Variants in CDA observed in about 807,000 individuals in gnomAD.
CDA encodes the protein cytidine aminohydrolase.
A neutral mutation model predicts 15.0 loss-of-function variants in CDA; 7 were observed. The ratio of observed to expected loss-of-function variants is 0.47; its 90% CI spans 0.26 to 0.87. The LOEUF is 0.87. CDA is among the 40% of genes least tolerant of loss of function. The pLI, the probability that CDA is intolerant of heterozygous loss-of-function variation, is 0.15. For synonymous variants in CDA, 58 were observed against 73.0 expected (o/e 0.79, Z 1.05); for missense variants, 159 against 182.7 (o/e 0.87, Z 0.75).
chr1:20,602,727 G>T (rs560505417), intron 1 of CDA, among the ~76,000 whole-genome samples: 1 of 152,300 alleles, frequency 6.6e-6, no homozygotes, highest in East Asian at 1.9e-4. Context: ...GCCTCATCAT[G>T]TGTTTTTATA....
At chr1:20,595,453 G>A (rs1410513032) in intron 1 of CDA, among the ~76,000 whole-genome samples, 1 of 152,050 alleles carries the variant, frequency 6.6e-6, no homozygotes, top group Admixed American at 6.6e-5. Context: ...CTCTTCAGCA[G>A]CTGATGGACC....
chr1:20,604,037 GT>G (rs936146244), intron 1 of CDA, among the ~76,000 whole-genome samples: 1 of 130,852 alleles, frequency 7.6e-6, no homozygotes, highest in Admixed American at 8.1e-5. Flanking sequence ...AGCTCGAGGT[GT>G]TTTTTTTGTT....
At chr1:20,607,588 T>C (rs1176962376) in intron 2 of CDA, among the ~76,000 whole-genome samples, 1 of 152,234 alleles carries the variant, frequency 6.6e-6, no homozygotes, top group African/African-American at 2.4e-5. Context: ...ATTTAGAATT[T>C]TCCAAATGAG....
intron 1 of CDA, among the ~76,000 whole-genome samples, chr1:20,601,221 T>TA (rs2052640768): frequency 6.6e-6 from 1 of 152,148 alleles, no homozygotes; most frequent in Non-Finnish European, 1.5e-5. Flanking sequence ...GTCTCTTCCA[T>TA]AATGAATGGA....
intron 1 of CDA, among the ~76,000 whole-genome samples, chr1:20,599,436 G>A (rs1264209350): frequency 1.3e-5 from 2 of 151,632 alleles, no homozygotes; most frequent in Non-Finnish European, 2.9e-5. Flanking sequence ...GACCAATATG[G>A]TGAAACCCCA....
At chr1:20,608,252 T>C (rs180827206) in intron 2 of CDA, among the ~76,000 whole-genome samples, 18 of 152,300 alleles carry the variant, frequency 1.2e-4, no homozygotes, top group African/African-American at 4.1e-4. Flanking sequence ...AGCCGCATTA[T>C]GGACCTTGGG....
At chr1:20,591,272 C>A (rs12752560) in intron 1 of CDA, among the ~76,000 whole-genome samples, 4 of 151,834 alleles carry the variant, frequency 2.6e-5, no homozygotes, top group Admixed American at 6.6e-5. Context: ...ACCTGGGAGG[C>A]GGAGCTTGCA....
chr1:20,598,815 A>T (rs970791568), intron 1 of CDA, among the ~76,000 whole-genome samples: 1 of 152,224 alleles, frequency 6.6e-6, no homozygotes, highest in Non-Finnish European at 1.5e-5. Context: ...GAAGAATTTT[A>T]GGGAGACACA....
intron 1 of CDA, among the ~76,000 whole-genome samples, chr1:20,594,391 A>G (rs1012394956): frequency 8.6e-5 from 13 of 152,040 alleles, no homozygotes; most frequent in African/African-American, 3.1e-4. Context: ...AGGGAGAGGT[A>G]CAGAAAGAGG....
chr1:20,602,972 G>A (rs1481324353), intron 1 of CDA, among the ~76,000 whole-genome samples: 1 of 152,182 alleles, frequency 6.6e-6, no homozygotes, highest in Non-Finnish European at 1.5e-5. Context: ...GGCTGTGTGG[G>A]CAGATGACAC....
intron 2 of CDA, among the ~76,000 whole-genome samples, chr1:20,611,862 T>TTTTG (rs1226017155): frequency 2.6e-5 from 4 of 151,850 alleles, no homozygotes; most frequent in Admixed American, 1.3e-4. Flanking sequence ...CATACTGTTT[T>TTTTG]TTTGTTTGTT....
chr1:20,602,038 TG>T (rs150885375), intron 1 of CDA, among the ~76,000 whole-genome samples: 1,928 of 151,646 alleles, frequency 0.013, 40 homozygotes, highest in African/African-American at 0.043. Context: ...AGAAGATCAG[TG>T]GAGCCCAAGA....
chr1:20,616,767 G>A (rs757188538), intron 3 of CDA, among the ~76,000 whole-genome samples: 6 of 152,222 alleles, frequency 3.9e-5, no homozygotes, highest in Non-Finnish European at 8.8e-5. Flanking sequence ...ACGTAAACTC[G>A]CCCTCGGCTC....
intron 1 of CDA, among the ~76,000 whole-genome samples, chr1:20,592,346 G>A (rs561503904): frequency 2.6e-5 from 4 of 152,226 alleles, no homozygotes; most frequent in Middle Eastern, 3.4e-3. Context: ...AGCATTCAGC[G>A]CATTTTCTGC....
chr1:20,590,304 A>G (rs1455493895), intron 1 of CDA, among the ~76,000 whole-genome samples: 1 of 152,212 alleles, frequency 6.6e-6, no homozygotes, highest in Non-Finnish European at 1.5e-5. Flanking sequence ...GCTCAAAATC[A>G]CAGAGCTGGG....
At chr1:20,618,237 G>C (rs1199987472) in intron 3 of CDA, among the ~76,000 whole-genome samples, 6 of 150,560 alleles carry the variant, frequency 4.0e-5, no homozygotes, top group Non-Finnish European at 7.4e-5. Flanking sequence ...TGTTCACGAT[G>C]TACCATGCAC....
intron 2 of CDA, among the ~76,000 whole-genome samples, chr1:20,612,922 A>G (rs113554354): frequency 4.8e-4 from 64 of 133,918 alleles, no homozygotes; most frequent in Middle Eastern, 4.7e-3. Flanking sequence ...CAGCCTGGGT[A>G]ACAGAGCGAG....
intron 2 of CDA, among the ~76,000 whole-genome samples, chr1:20,612,480 G>A (rs818206): frequency 0.9 from 135,689 of 150,720 alleles, 61,445 homozygotes; most frequent in Middle Eastern, 0.96. Flanking sequence ...GAGTCTCACG[G>A]TCTCCCCACC....
intron 2 of CDA, among the ~76,000 whole-genome samples, chr1:20,608,393 A>AGTTTTGTTTTGTTTTGTTTT (rs78313074): frequency 0.017 from 1,796 of 104,994 alleles, 41 homozygotes; most frequent in African/African-American, 0.054. Context: ...ACTATTATAT[A>AGTTTTGTTTTGTTTTGTTTT]GTTTTGTTTT....
Sources: allele counts gnomAD v4.1 joint callset (sites outside exome capture counted in the v4.1 genomes callset), GRCh38; gene constraint gnomAD v4.1.1; transcripts MANE v1.5; gene names NCBI Gene and HGNC (gene_info 2026-07-23, HGNC 2026-07-21).